The following PARD3B variants were observed in gnomAD, a reference collection of about 807,000 sequenced individuals.
The protein encoded by PARD3B is partitioning defective 3 homolog B.
A neutral mutation model predicts 130.2 loss-of-function variants in PARD3B; 103 were observed. That is an observed-to-expected ratio of 0.79 (90% CI 0.67 to 0.93). The LOEUF is 0.93. PARD3B is among the 40% of genes least tolerant of loss of function. The pLI is 0.00. For synonymous variants in PARD3B, 583 were observed against 553.2 expected (o/e 1.05, Z -0.76); for missense variants, 1,609 against 1,499.2 (o/e 1.07, Z -1.21).
chr2:205,104,878 C>T (rs1177049465), intron 5 of PARD3B, among the ~76,000 whole-genome samples: 3 of 152,148 alleles, frequency 2.0e-5, no homozygotes, highest in Admixed American at 1.3e-4. Context: ...ACTAGACCAC[C>T]GGGGAACCCT....
intron 2 of PARD3B, among the ~76,000 whole-genome samples, chr2:204,822,611 C>T (rs2043404757): frequency 6.6e-6 from 1 of 152,044 alleles, no homozygotes; most frequent in Non-Finnish European, 1.5e-5. Context: ...ACCTGTGCAG[C>T]ACAGGTAATT....
At chr2:205,518,061 G>A (rs2050868499) in intron 21 of PARD3B, among the ~76,000 whole-genome samples, 1 of 152,128 alleles carries the variant, frequency 6.6e-6, no homozygotes, top group Non-Finnish European at 1.5e-5. Flanking sequence ...ATATTCTGTT[G>A]TTTTTGGGTG....
rs1020916092 is a variant in PARD3B at position 205,078,987 on chromosome 2, A to G, written c.505-25439A>G. Among the ~76,000 whole-genome samples the G allele has an allele frequency of 3.3e-5, 5 of 152,232 alleles. No individual in the cohort carries two copies. The highest frequency in any genetic ancestry group is 2.1e-4 in the South Asian group (1 of 4,836). On this transcript the variant is annotated intron_variant, in intron 4 of 22. Coordinates refer to ENST00000406610, the MANE Select transcript of PARD3B (RefSeq NM_001302769.2). The surrounding 1 kb of genome is among the most constrained non-coding windows in gnomAD (Gnocchi z 4.0). ...TGGAGCCTTGGCAGCAGCCGACTCT[A>G]CATCTGACTGCAGCCTTGTGAGAGA...
chr2:204,980,495 A>T (rs552922178), intron 3 of PARD3B, among the ~76,000 whole-genome samples: 1 of 152,196 alleles, frequency 6.6e-6, no homozygotes, highest in Non-Finnish European at 1.5e-5. Flanking sequence ...AGAATAGGAT[A>T]CTGAAAAAGA....
intron 22 of PARD3B, 84 bp from the exon 23 acceptor site, chr2:205,615,372 C>T (rs2055389001): frequency 8.3e-7 from 1 of 1,206,590 alleles, no homozygotes. Flanking sequence ...CCACACCAAA[C>T]TGCACAGGAG....
chr2:205,350,854 T>C (rs974636462), intron 18 of PARD3B, among the ~76,000 whole-genome samples: 7 of 152,200 alleles, frequency 4.6e-5, no homozygotes, highest in Non-Finnish European at 1.5e-5. Flanking sequence ...TTTTGTTTGG[T>C]TTCCTAGCAT....
At chr2:205,090,164 A>G (rs1370911983) in intron 4 of PARD3B, among the ~76,000 whole-genome samples, 1 of 152,222 alleles carries the variant, frequency 6.6e-6, no homozygotes, top group African/African-American at 2.4e-5. Context: ...GAGTTCATTA[A>G]AAGTGTGAGG....
At chr2:204,993,215 C>T (rs1192771874) in intron 3 of PARD3B, among the ~76,000 whole-genome samples, 12 of 100,736 alleles carry the variant, frequency 1.2e-4, no homozygotes, top group African/African-American at 4.7e-4. Context: ...GGCTGTGGGT[C>T]TGTCATAGAT....
chr2:204,871,388 C>T (rs1475542141), intron 2 of PARD3B, among the ~76,000 whole-genome samples: 1 of 152,016 alleles, frequency 6.6e-6, no homozygotes, highest in Non-Finnish European at 1.5e-5. Flanking sequence ...CTGATCTATC[C>T]TTCAATTTTA....
At chr2:205,358,661 C>G (rs1195421240) in intron 18 of PARD3B, among the ~76,000 whole-genome samples, 2 of 152,170 alleles carry the variant, frequency 1.3e-5, no homozygotes, top group African/African-American at 4.8e-5. Context: ...TCAGATTTAA[C>G]CCTTCCTGAC....
chr2:205,221,777 C>T (rs1291109189), intron 15 of PARD3B, among the ~76,000 whole-genome samples: 1 of 151,994 alleles, frequency 6.6e-6, no homozygotes, highest in Non-Finnish European at 1.5e-5. Context: ...TTCCCTTTTC[C>T]CCTGCTCTGA....
chr2:205,030,338 CA>C (rs887596640), intron 3 of PARD3B, among the ~76,000 whole-genome samples: 2 of 152,052 alleles, frequency 1.3e-5, no homozygotes, highest in African/African-American at 4.8e-5. Context: ...GCATCCTGGC[CA>C]AAAAGAATCA....
rs2034378301 is a variant in PARD3B at position 204,623,558 on chromosome 2, A to G, written c.121-62623A>G. On this transcript the variant is annotated intron_variant, in intron 1 of 22. Transcript: ENST00000406610. This position sits in a 1 kb window ranked among gnomAD's most constrained non-coding sequence, Gnocchi z 4.5. ...TGCAGTCCATGACCTTTTGAGAATGACTTTTTTTTTCTACTTGGCATAATG... is the reference window on the plus strand; with the variant it reads ...TGCAGTCCATGACCTTTTGAGAATGGCTTTTTTTTTCTACTTGGCATAATG... Among the ~76,000 whole-genome samples, 1 of 152,024 alleles carries G rather than the reference A, an allele frequency of 6.6e-6. No individual in the cohort carries two copies. Among genetic ancestry groups the G allele is most frequent in the Non-Finnish European group, 1.5e-5 (1 of 67,998 alleles).
At chr2:205,383,121 TAG>T (rs1559038905) in intron 18 of PARD3B, among the ~76,000 whole-genome samples, 1 of 150,744 alleles carries the variant, frequency 6.6e-6, no homozygotes, top group Non-Finnish European at 1.5e-5. Flanking sequence ...GATAGATAGA[TAG>T]ATAGATAGAT....
intron 2 of PARD3B, among the ~76,000 whole-genome samples, chr2:204,930,295 A>G (rs1463739116): frequency 6.6e-6 from 1 of 151,848 alleles, no homozygotes; most frequent in Admixed American, 6.6e-5. Context: ...CCTTCTGCAG[A>G]TACCAAAATC....
chr2:204,987,917 G>C (rs531073436), intron 3 of PARD3B, among the ~76,000 whole-genome samples: 2 of 152,224 alleles, frequency 1.3e-5, no homozygotes, highest in South Asian at 4.2e-4. Context: ...AATCCAAAGG[G>C]TGACAGTTAG....
At chr2:205,174,446 C>T (rs186029535) in intron 12 of PARD3B, among the ~76,000 whole-genome samples, 1 of 152,268 alleles carries the variant, frequency 6.6e-6, no homozygotes, top group Non-Finnish European at 1.5e-5. Flanking sequence ...GATTAAAGAG[C>T]ATTGTTTCTT....
chr2:204,719,414 T>G (rs879173937), intron 2 of PARD3B, among the ~76,000 whole-genome samples: 1 of 152,186 alleles, frequency 6.6e-6, no homozygotes, highest in Admixed American at 6.5e-5. Flanking sequence ...ACAGAAAATT[T>G]AAGTAATGAA....
chr2:205,615,227 G>A (rs992200592), intron 22 of PARD3B, among the ~76,000 whole-genome samples: 1 of 152,102 alleles, frequency 6.6e-6, no homozygotes, highest in Non-Finnish European at 1.5e-5. Context: ...CATAGCACGT[G>A]GTTTTCACCT....
Sources: allele counts gnomAD v4.1 joint callset (sites outside exome capture counted in the v4.1 genomes callset), GRCh38; gene constraint gnomAD v4.1.1; non-coding constraint Gnocchi (gnomAD v3.1); transcripts MANE v1.5; gene names NCBI Gene and HGNC (gene_info 2026-07-23, HGNC 2026-07-21).